JCHAIN: variants seen among roughly 807,000 people sequenced by gnomAD.
JCHAIN encodes the protein joining chain of multimeric IgA and IgM.
A neutral mutation model predicts 11.1 loss-of-function variants in JCHAIN; 5 were observed. The observed-to-expected ratio is 0.45, with a 90% confidence interval of 0.24 to 0.95. The LOEUF is 0.95. Ranked by LOEUF, JCHAIN falls within the 40% of genes least tolerant of loss-of-function variation. The pLI is 0.21. For synonymous variants in JCHAIN, 51 were observed against 67.8 expected, an observed-to-expected ratio of 0.75 and a Z score of 1.22; for missense variants, 165 against 192.7, an observed-to-expected ratio of 0.86 and a Z score of 0.85.
Position 70,656,296 on chromosome 4 carries a change from G to T in JCHAIN, c.*33C>A. ...TGAATCAAAATGGAGAGCCTCTCAA[G>T]AAAAAGAGCTATGCAGTCAGCAATG... On this transcript the variant is annotated 3_prime_UTR_variant, in exon 4 of 4. Coordinates refer to ENST00000254801, the MANE Select transcript of JCHAIN (RefSeq NM_144646.4). The T allele has an allele frequency of 7.0e-7, 1 of 1,437,476 alleles. No homozygotes were observed. Among genetic ancestry groups the T allele is most frequent in the Non-Finnish European group, 9.8e-7 (1 of 1,024,874 alleles). The allele number at this position is 1,437,476 out of a possible 1,614,324, so 89.0% of individuals were successfully genotyped here.
At chr4:70,657,063 C>A in intron 3 of JCHAIN, 148 bp downstream of exon 3, 1 of 449,888 alleles carries the variant, frequency 2.2e-6, no homozygotes, top group Non-Finnish European at 4.0e-6. Flanking sequence ...TAATAATTAA[C>A]ATAGGAATTA....
Position 70,666,426 on chromosome 4 carries a change from C to T in JCHAIN, c.64+1G>A. 1 of 1,600,978 alleles carries T rather than the reference C, an allele frequency of 6.2e-7. No individual in the cohort carries two copies. Among genetic ancestry groups the T allele is most frequent in the Non-Finnish European group, 8.6e-7 (1 of 1,168,188 alleles). On this transcript the variant is annotated splice_donor_variant, in intron 1 of 3. Coordinates refer to ENST00000254801, the MANE Select transcript of JCHAIN (RefSeq NM_144646.4). LOFTEE classifies it high-confidence loss of function. Reference sequence around the variant, plus strand: ...GGGATCATTTTCTAAATATCACATACCTTTCACATGAACAGCCTTAATAAA... The same window carrying T: ...GGGATCATTTTCTAAATATCACATATCTTTCACATGAACAGCCTTAATAAA...
At chr4:70,657,412 G>A (rs1236269166) in intron 2 of JCHAIN, 121 bp from the exon 3 acceptor site, 1 of 523,074 alleles carries the variant, frequency 1.9e-6, no homozygotes, top group Non-Finnish European at 3.4e-6. Context: ...TACTCTATAA[G>A]CACTCTAGAG....
intron 2 of JCHAIN, among the ~76,000 whole-genome samples, chr4:70,660,534 C>T (rs1182911907): frequency 1.3e-5 from 2 of 152,018 alleles, no homozygotes; most frequent in African/African-American, 4.8e-5. Flanking sequence ...CAGGCACCTG[C>T]CACCACGCCC....
intron 3 of JCHAIN, 49 bp downstream of exon 3, chr4:70,657,162 A>T (rs1473509106): frequency 1.1e-6 from 1 of 939,880 alleles, no homozygotes; most frequent in Non-Finnish European, 1.7e-6. Context: ...TAAAATTAAA[A>T]GCTATTAACT....
intron 1 of JCHAIN, among the ~76,000 whole-genome samples, chr4:70,664,302 C>T (rs192686243): frequency 6.6e-6 from 1 of 151,866 alleles, no homozygotes; most frequent in African/African-American, 2.4e-5. Flanking sequence ...AGCTAAGTGA[C>T]CTTTAACAAT....
intron 1 of JCHAIN, among the ~76,000 whole-genome samples, chr4:70,666,204 C>A (rs1460961525): frequency 5.9e-5 from 9 of 152,058 alleles, no homozygotes. Flanking sequence ...ATTTCTTATT[C>A]TCTAGTTTGT....
intron 1 of JCHAIN, 57 bp from the exon 2 acceptor site, chr4:70,662,272 G>A (rs1425113192): frequency 2.0e-5 from 29 of 1,480,014 alleles, no homozygotes; most frequent in African/African-American, 2.8e-5. Context: ...TATATATTTT[G>A]TATTGAGTTA....
In JCHAIN at chr4:70,660,906, T is replaced by C. The variant is rs1484498194; in HGVS notation, c.188+1186A>G. Among the ~76,000 whole-genome samples, 5 of 152,284 alleles carry C rather than the reference T, an allele frequency of 3.3e-5. No individual in the cohort carries two copies. The East Asian group carries it at 9.6e-4, about 29-fold the overall frequency. ...AATATTTTTTAATATGTCCCAGAAA[T>C]ATATAAGCTCTAAAAGGAATATTCT... is the stretch of plus-strand genomic sequence containing the variant. On this transcript the variant is annotated intron_variant, in intron 2 of 3. Transcript: ENST00000254801.
chr4:70,662,643 T>A lies in JCHAIN; in HGVS notation c.65-428A>T, dbSNP rs77044998. Among the ~76,000 whole-genome samples, 1,382 of 152,212 alleles carry A rather than the reference T, an allele frequency of 9.1e-3. 14 individuals are homozygous for A. The highest frequency in any genetic ancestry group is 0.031 in the African/African-American group (1,275 of 41,530). ...GATTATCATAGTACATGATTCAATT[T>A]AAAAAAAGGCTATATTTCTTATAAG... On this transcript the variant is annotated intron_variant, in intron 1 of 3. Transcript: ENST00000254801.
At chr4:70,660,294 G>A (rs1739029572) in intron 2 of JCHAIN, among the ~76,000 whole-genome samples, 1 of 152,104 alleles carries the variant, frequency 6.6e-6, no homozygotes, top group African/African-American at 2.4e-5. Flanking sequence ...TAAGAGGGGT[G>A]GGACAGAGTT....
rs1207597653 is a variant in JCHAIN, at chr4:70,655,561, A to G, written c.*768T>C. 6.6e-6 allele frequency: 1 copy of G among 152,200 alleles called. No individual in the cohort carries two copies. 9.4% of individuals were successfully genotyped at this position (152,200 alleles called of 1,614,324 possible). On this transcript the variant is annotated 3_prime_UTR_variant, in exon 4 of 4. Coordinates refer to ENST00000254801, the MANE Select transcript of JCHAIN (RefSeq NM_144646.4). ...AGGTATATGCTTATGAATCTATTTA[A>G]TTGCTCAGACTGTGCTAGAGAATAC...
chr4:70,657,183 T>C (rs1217085731), intron 3 of JCHAIN, 28 bp downstream of exon 3: 2 of 1,274,326 alleles, frequency 1.6e-6, no homozygotes, highest in East Asian at 2.3e-5. Flanking sequence ...TCCACATCTA[T>C]ATTACTATGG....
chr4:70,655,771 A>G lies in JCHAIN; in HGVS notation c.*558T>C, dbSNP rs1738936395. ...TACTTTTATAAATATTAGAGATTTC[A>G]CCTTAAATTATTTTTGTAACTAGTT... On this transcript the variant is annotated 3_prime_UTR_variant, in exon 4 of 4. Transcript: ENST00000254801. The G allele has an allele frequency of 6.6e-6, 1 of 152,122 alleles. No homozygotes were observed. Among genetic ancestry groups the G allele is most frequent in the African/African-American group, 2.4e-5 (1 of 41,448 alleles). 9.4% of individuals were successfully genotyped at this position (152,122 alleles called of 1,614,324 possible). A position where few individuals can be genotyped will look rare whatever the true frequency, so the allele number is the denominator to read the frequency against.
At chr4:70,665,604 G>A (rs904137270) in intron 1 of JCHAIN, among the ~76,000 whole-genome samples, 3 of 151,728 alleles carry the variant, frequency 2.0e-5, no homozygotes, top group African/African-American at 7.3e-5. Context: ...TAGGGAAGTA[G>A]CCCCATTATA....
At position 70,657,344 on chromosome 4, in the gene JCHAIN, A is replaced by C. The variant is rs910591847; in HGVS notation, c.189-53T>G. 2.7e-5 allele frequency: 30 copies of C among 1,098,196 alleles called. No individual in the cohort carries two copies. The East Asian group carries it at 7.1e-4, about 26-fold the overall frequency. The allele number at this position is 1,098,196 out of a possible 1,614,324, so 68.0% of individuals were successfully genotyped here. A position where few individuals can be genotyped will look rare whatever the true frequency, so the allele number is the denominator to read the frequency against. On this transcript the variant is annotated intron_variant, in intron 2 of 3. Transcript: ENST00000254801. The stretch of plus-strand genomic sequence containing the variant: ...AAAACAATGAAATGCAGATATTGTT[A>C]TTTTTGGTAATGAGTATACGGCCAC...
intron 1 of JCHAIN, among the ~76,000 whole-genome samples, chr4:70,665,651 A>G (rs1379262702): frequency 1.3e-5 from 2 of 152,046 alleles, no homozygotes; most frequent in East Asian, 3.9e-4. Context: ...ATATACTTAC[A>G]TTGTACATGC....
At chr4:70,662,838 A>G (rs1211740288) in intron 1 of JCHAIN, among the ~76,000 whole-genome samples, 3 of 152,018 alleles carry the variant, frequency 2.0e-5, no homozygotes, top group Non-Finnish European at 4.4e-5. Flanking sequence ...GCATGCCTGT[A>G]GTCCCAGCTA....
At position 70,656,296 on chromosome 4, in the gene JCHAIN, G is replaced by GA. The variant is rs1256622323; in HGVS notation, c.*32dup. 2.1e-6 allele frequency: 3 copies of GA among 1,437,476 alleles called. No homozygotes were observed. The highest frequency in any genetic ancestry group is 2.9e-6 in the Non-Finnish European group (3 of 1,024,874). 89.0% of individuals were successfully genotyped at this position (1,437,476 alleles called of 1,614,324 possible). On this transcript the variant is annotated 3_prime_UTR_variant, in exon 4 of 4. Coordinates refer to ENST00000254801, the MANE Select transcript of JCHAIN (RefSeq NM_144646.4). ...TGAATCAAAATGGAGAGCCTCTCAA[G>GA]AAAAAGAGCTATGCAGTCAGCAATG...
Sources: allele counts gnomAD v4.1 joint callset (sites outside exome capture counted in the v4.1 genomes callset), GRCh38; gene constraint gnomAD v4.1.1; transcripts MANE v1.5; gene names NCBI Gene and HGNC (gene_info 2026-07-23, HGNC 2026-07-21).